LMO7: variants seen among roughly 807,000 people sequenced by gnomAD.
LMO7 encodes the protein LIM domain only protein 7.
A neutral mutation model predicts 206.5 loss-of-function variants in LMO7; 120 were observed. The ratio of observed to expected loss-of-function variants is 0.58; its 90% confidence interval spans 0.50 to 0.68. The LOEUF is 0.68. Ranked by LOEUF, LMO7 falls within the 30% of genes least tolerant of loss-of-function variation. The pLI is 0.00. For missense variants in LMO7, 1,959 were observed against 1,957.9 expected (o/e 1.00, Z -0.01); for synonymous variants, 706 against 681.5 (o/e 1.04, Z -0.56).
chr13:75,666,658 G>T (rs922093098), intron 1 of LMO7, among the ~76,000 whole-genome samples: 1 of 152,110 alleles, frequency 6.6e-6, no homozygotes, highest in Admixed American at 6.5e-5. Flanking sequence ...ATAAACAAAA[G>T]CTCTTGGGGG....
intron 3 of LMO7, among the ~76,000 whole-genome samples, chr13:75,731,154 G>T (rs1161960142): frequency 6.6e-6 from 1 of 152,162 alleles, no homozygotes; most frequent in South Asian, 2.1e-4. Flanking sequence ...TCCGCCTGGT[G>T]CAGAGCCGAG....
intron 1 of LMO7, among the ~76,000 whole-genome samples, chr13:75,646,397 C>A (rs1403519151): frequency 1.3e-5 from 2 of 152,082 alleles, no homozygotes; most frequent in Non-Finnish European, 2.9e-5. Context: ...CGACTCTGCG[C>A]CCTCCTCCCC....
At chr13:75,731,799 T>G (rs1390747272) in intron 3 of LMO7, among the ~76,000 whole-genome samples, 8 of 152,178 alleles carry the variant, frequency 5.3e-5, no homozygotes, top group Non-Finnish European at 1.2e-4. Context: ...AGCGCTTCCT[T>G]CAGGAGCTCT....
chr13:75,639,420 A>T (rs2036294620), intron 1 of LMO7, among the ~76,000 whole-genome samples: 1 of 152,226 alleles, frequency 6.6e-6, no homozygotes, highest in Non-Finnish European at 1.5e-5. Flanking sequence ...TTGGATTATT[A>T]CATAGTTGGA....
At chr13:75,803,927 A>G (rs2055105089) in intron 7 of LMO7, among the ~76,000 whole-genome samples, 1 of 151,856 alleles carries the variant, frequency 6.6e-6, no homozygotes, top group Non-Finnish European at 1.5e-5. Flanking sequence ...TTATTTTTGC[A>G]TGTTGTTTTA....
intron 11 of LMO7, among the ~76,000 whole-genome samples, chr13:75,809,908 A>G (rs1408695583): frequency 1.4e-5 from 2 of 145,758 alleles, no homozygotes; most frequent in Non-Finnish European, 3.0e-5. Flanking sequence ...CTTGGCTCAC[A>G]GCAACTTCCA....
intron 3 of LMO7, among the ~76,000 whole-genome samples, chr13:75,731,225 G>T (rs2045171882): frequency 6.6e-6 from 1 of 152,134 alleles, no homozygotes; most frequent in African/African-American, 2.4e-5. Flanking sequence ...TGTTGACAGT[G>T]GGGTGTTAAA....
chr13:75,694,985 G>A lies in LMO7; in HGVS notation c.70-18197G>A, dbSNP rs571520882. On this transcript the variant is annotated intron_variant, in intron 1 of 30. Coordinates refer to ENST00000377534, the MANE Select transcript of LMO7 (RefSeq NM_001306080.2). ...AAGCAATCATCCTTGAGGAGCCTCC[G>A]GATTAACCCGGGCCCTCCTGCCTCC... Among the ~76,000 whole-genome samples, 5 of 152,224 alleles carry A rather than the reference G, an allele frequency of 3.3e-5. No individual in the cohort carries two copies. In the South Asian group the frequency reaches 6.2e-4, roughly 19 times the overall value.
chr13:75,807,423 AC>A, intron 9 of LMO7, 56 bp from the exon 10 acceptor site: 8 of 1,566,390 alleles, frequency 5.1e-6, no homozygotes, highest in Non-Finnish European at 6.0e-6. Flanking sequence ...TCTGCTAATT[AC>A]CTTTTCTCCC....
chr13:75,802,379 C>G (rs1055061299), intron 7 of LMO7, among the ~76,000 whole-genome samples: 5 of 152,298 alleles, frequency 3.3e-5, no homozygotes, highest in Admixed American at 2.6e-4. Context: ...TGTGATTCAT[C>G]TGAGTGGTTA....
At chr13:75,645,119 A>G (rs1021750511) in intron 1 of LMO7, among the ~76,000 whole-genome samples, 1 of 152,260 alleles carries the variant, frequency 6.6e-6, no homozygotes, top group Non-Finnish European at 1.5e-5. Flanking sequence ...TTATAAAAGT[A>G]TCATCTTCTC....
chr13:75,828,924 A>G (rs776603549), intron 15 of LMO7, among the ~76,000 whole-genome samples: 3 of 152,140 alleles, frequency 2.0e-5, no homozygotes, highest in Non-Finnish European at 4.4e-5. Flanking sequence ...AGTGGGGAAC[A>G]GTTAGGGGAA....
rs1050530556 is a variant in LMO7 at position 75,763,459 on chromosome 13, A to G, written c.317+2421A>G. 3.9e-5 allele frequency among the ~76,000 whole-genome samples: 6 copies of G among 152,290 alleles called. 1 individual carries two copies. The highest frequency in any genetic ancestry group is 1.2e-4 in the African/African-American group (5 of 41,578). ...TAACTTTTATATACAGACATAATTT[A>G]TGCATTTCTGTGTTAGTATGTTTAT... On this transcript the variant is annotated intron_variant, in intron 4 of 30. Coordinates refer to ENST00000377534, the MANE Select transcript of LMO7 (RefSeq NM_001306080.2).
chr13:75,751,231 G>GC, intron 3 of LMO7, among the ~76,000 whole-genome samples: 1 of 131,820 alleles, frequency 7.6e-6, no homozygotes, highest in South Asian at 2.4e-4. Flanking sequence ...CGTGATCTCG[G>GC]CTCACTGCAA....
At chr13:75,712,952 T>C (rs868111398) in intron 1 of LMO7, among the ~76,000 whole-genome samples, 1 of 152,224 alleles carries the variant, frequency 6.6e-6, no homozygotes, top group African/African-American at 2.4e-5. Flanking sequence ...AAACACTCAT[T>C]GTAATTTTTT....
At chr13:75,621,802 A>G (rs1254081510) in exon 1 of LMO7, 1 of 1,613,100 alleles carries the variant, frequency 6.2e-7, no homozygotes, top group Non-Finnish European at 8.5e-7. Flanking sequence ...GAGGCAACTG[A>G]TATGTGCTCA....
intron 3 of LMO7, among the ~76,000 whole-genome samples, chr13:75,742,966 A>G (rs182593233): frequency 4.6e-5 from 7 of 152,322 alleles, no homozygotes; most frequent in Non-Finnish European, 8.8e-5. Context: ...ATTTTTGCAA[A>G]CTATGCATCT....
intron 4 of LMO7, among the ~76,000 whole-genome samples, chr13:75,778,240 T>A (rs574013744): frequency 6.6e-6 from 1 of 152,064 alleles, no homozygotes; most frequent in African/African-American, 2.4e-5. Context: ...TTTATTTATT[T>A]ATATTTTTTT....
chr13:75,669,901 T>C (rs1477603231), intron 1 of LMO7, among the ~76,000 whole-genome samples: 2 of 152,220 alleles, frequency 1.3e-5, no homozygotes, highest in Non-Finnish European at 2.9e-5. Context: ...GGACATGATC[T>C]GGTGGAAACT....
Sources: allele counts gnomAD v4.1 joint callset (sites outside exome capture counted in the v4.1 genomes callset), GRCh38; gene constraint gnomAD v4.1.1; transcripts MANE v1.5; gene names NCBI Gene and HGNC (gene_info 2026-07-23, HGNC 2026-07-21).